Variants in MCHR2 observed in about 807,000 individuals in gnomAD.
MCHR2 encodes the protein melanin concentrating hormone receptor 2.
In MCHR2, 15 loss-of-function variants were observed where a neutral mutation model predicts 24.8. That is an observed-to-expected ratio of 0.60 (90% CI 0.40 to 0.93). The LOEUF (loss-of-function observed/expected upper bound fraction) is 0.93, where lower values mean the gene tolerates loss of function less well. MCHR2 is among the 40% of genes least tolerant of loss of function. The probability of loss-of-function intolerance (pLI) is 0.00; values close to 1 mark genes in which losing one functional copy is unlikely to be tolerated. For missense variants in MCHR2, 386 were observed against 408.7 expected, an observed-to-expected ratio of 0.94 and a Z score of 0.48; for synonymous variants, 151 against 147.6, an observed-to-expected ratio of 1.02 and a Z score of -0.17.
intron 4 of MCHR2, among the ~76,000 whole-genome samples, chr6:99,937,131 C>T (rs1031897750): frequency 6.6e-6 from 1 of 151,830 alleles, no homozygotes; most frequent in African/African-American, 2.4e-5. Flanking sequence ...TTTTTCTAAA[C>T]ATAATATCAT....
chr6:99,928,464 TC>T (rs1169657093), intron 5 of MCHR2, among the ~76,000 whole-genome samples: 17 of 152,170 alleles, frequency 1.1e-4, no homozygotes, highest in African/African-American at 4.1e-4. Flanking sequence ...ATCCATCTGG[TC>T]CTGGACTCTT....
rs189017413 is a variant in MCHR2, at chr6:99,920,864, C to G, written c.*76G>C. 256 of 1,411,782 alleles carry G rather than the reference C, an allele frequency of 1.8e-4. No individual in the cohort carries two copies. The highest frequency in any genetic ancestry group is 9.7e-4 in the Middle Eastern group (5 of 5,158). The allele number at this position is 1,411,782 out of a possible 1,614,324, so 87.5% of individuals were successfully genotyped here. A position where few individuals can be genotyped will look rare whatever the true frequency, so the allele number is the denominator to read the frequency against. On this transcript the variant is annotated 3_prime_UTR_variant, in exon 6 of 6. Coordinates refer to ENST00000281806, the MANE Select transcript of MCHR2 (RefSeq NM_001040179.2). ...ACAAGAAGAATGGGCATAAACATAT[C>G]GGTACACCTGCCCTTTCTGATAATA...
chr6:99,921,713 T>C (rs1774236759), intron 5 of MCHR2, among the ~76,000 whole-genome samples: 1 of 152,192 alleles, frequency 6.6e-6, no homozygotes, highest in South Asian at 2.1e-4. Context: ...CTAGGCCTTA[T>C]TCATTCTTTT....
intron 1 of MCHR2, among the ~76,000 whole-genome samples, chr6:99,970,502 T>G (rs985997700): frequency 6.6e-6 from 1 of 152,154 alleles, no homozygotes; most frequent in Non-Finnish European, 1.5e-5. Context: ...TTTCTCCCAT[T>G]TTGTAGGTTG....
intron 4 of MCHR2, among the ~76,000 whole-genome samples, chr6:99,935,552 T>C (rs964856370): frequency 6.6e-6 from 1 of 152,072 alleles, no homozygotes; most frequent in African/African-American, 2.4e-5. Flanking sequence ...TGTTGTTTTT[T>C]ATGGATGAAT....
intron 1 of MCHR2, among the ~76,000 whole-genome samples, chr6:99,984,199 T>C (rs1010338227): frequency 1.3e-5 from 2 of 151,966 alleles, no homozygotes; most frequent in African/African-American, 2.4e-5. Flanking sequence ...AGAGAAACAT[T>C]TATTTCTCTA....
Position 99,947,799 on chromosome 6 carries a change from C to A in MCHR2, c.355G>T (p.Ala119Ser). 6.2e-7 allele frequency: 1 copy of A among 1,613,772 alleles called. No individual in the cohort carries two copies. Among genetic ancestry groups the A allele is most frequent in the Non-Finnish European group, 8.5e-7 (1 of 1,179,782 alleles). The change falls in exon 3 of 6, where the codon GCC becomes TCC. Residue 119 changes from alanine (A) to serine (S), a missense_variant. Coordinates refer to ENST00000281806, the MANE Select transcript of MCHR2 (RefSeq NM_001040179.2). Reference protein sequence around the residue: ...ITSLDTCNQFACSAIMTVMSV... With the variant: ...ITSLDTCNQFSCSAIMTVMSV... ...ATTACAGTCATGATGGCACTACAGG[C>A]AAATTGGTTACAAGTATCCAGGGAT...
At chr6:99,990,052 TA>T (rs1775840928) in intron 1 of MCHR2, among the ~76,000 whole-genome samples, 2 of 2,936 alleles carry the variant, frequency 6.8e-4, no homozygotes, top group South Asian at 8.6e-3. Context: ...TCATTGGCTT[TA>T]AAAAACAAAA....
intron 2 of MCHR2, among the ~76,000 whole-genome samples, chr6:99,950,196 G>A (rs1229361476): frequency 6.6e-6 from 1 of 152,058 alleles, no homozygotes; most frequent in Non-Finnish European, 1.5e-5. Context: ...TGAAGCAACT[G>A]ATAAATTTAT....
At chr6:99,921,418 TA>T (rs1774228213) in intron 5 of MCHR2, among the ~76,000 whole-genome samples, 163 bp from the exon 6 acceptor site, 1 of 152,254 alleles carries the variant, frequency 6.6e-6, no homozygotes, top group Admixed American at 6.5e-5. Context: ...TATTCTTTTT[TA>T]TTCTTGTTGA....
chr6:99,981,477 G>T (rs745511665), intron 1 of MCHR2, among the ~76,000 whole-genome samples: 4 of 152,124 alleles, frequency 2.6e-5, no homozygotes, highest in Non-Finnish European at 4.4e-5. Context: ...TCTGGCCAAT[G>T]GTATGTGTGG....
intron 1 of MCHR2, among the ~76,000 whole-genome samples, chr6:99,973,883 T>C (rs1460194064): frequency 6.6e-6 from 1 of 152,222 alleles, no homozygotes; most frequent in Non-Finnish European, 1.5e-5. Context: ...TGTTAAATAT[T>C]GGCCCCCACT....
chr6:99,944,660 A>G (rs1180557522), intron 3 of MCHR2, among the ~76,000 whole-genome samples: 1 of 152,116 alleles, frequency 6.6e-6, no homozygotes, highest in Non-Finnish European at 1.5e-5. Flanking sequence ...CTGCTGCGGA[A>G]GTGGATGATG....
At chr6:99,935,290 C>T (rs917048403) in intron 4 of MCHR2, among the ~76,000 whole-genome samples, 3 of 152,000 alleles carry the variant, frequency 2.0e-5, no homozygotes, top group African/African-American at 7.2e-5. Flanking sequence ...CCTACTGATT[C>T]ACCAAACACT....
rs60959899 is a variant in MCHR2, at chr6:99,930,215, GTC to G, written c.707+4181_707+4182del. On this transcript the variant is annotated intron_variant, in intron 5 of 5. Transcript: ENST00000281806. ...GTTTCTGCCGAGAGATCCGCTGTTA[GTC>G]TGATGGGCTTCCCTTTGTGGGTAAC... 8.4e-3 allele frequency among the ~76,000 whole-genome samples: 1,276 copies of G among 152,258 alleles called. 18 individuals carry two copies. The highest frequency in any genetic ancestry group is 0.03 in the African/African-American group (1,232 of 41,538).
intron 5 of MCHR2, among the ~76,000 whole-genome samples, chr6:99,921,880 G>GT (rs1375242916): frequency 2.0e-5 from 3 of 152,122 alleles, no homozygotes; most frequent in African/African-American, 7.2e-5. Flanking sequence ...TGTGATGTTT[G>GT]TCTTTCTGTG....
chr6:99,950,120 TG>T (rs543392223), intron 2 of MCHR2, among the ~76,000 whole-genome samples: 14 of 152,080 alleles, frequency 9.2e-5, no homozygotes, highest in Admixed American at 4.6e-4. Context: ...GGCCATTAAC[TG>T]GCAATCAAAA....
intron 1 of MCHR2, among the ~76,000 whole-genome samples, chr6:99,958,160 A>T (rs1775103556): frequency 6.6e-6 from 1 of 152,108 alleles, no homozygotes; most frequent in Admixed American, 6.6e-5. Context: ...GAAACATTAA[A>T]GAGAGCCCCC....
rs114660201 is a variant in MCHR2 at position 99,958,452 on chromosome 6, T to G, written c.-27-2278A>C. ...TGTAAAAGGCTTTTAGAAGTGAATATAGAGTATCTTTAGGTCCTTGGAGTA... is the reference window on the plus strand; with the variant it reads ...TGTAAAAGGCTTTTAGAAGTGAATAGAGAGTATCTTTAGGTCCTTGGAGTA... On this transcript the variant is annotated intron_variant, in intron 1 of 5. Coordinates refer to ENST00000281806, the MANE Select transcript of MCHR2 (RefSeq NM_001040179.2). 8.4e-3 allele frequency among the ~76,000 whole-genome samples: 1,276 copies of G among 152,172 alleles called. 15 individuals are homozygous for G. The highest frequency in any genetic ancestry group is 0.029 in the African/African-American group (1,206 of 41,518).
Sources: allele counts gnomAD v4.1 joint callset (sites outside exome capture counted in the v4.1 genomes callset), GRCh38; gene constraint gnomAD v4.1.1; transcripts MANE v1.5; gene names NCBI Gene and HGNC (gene_info 2026-07-23, HGNC 2026-07-21).